The following PACRG variants were observed in gnomAD, a reference collection of about 807,000 sequenced individuals.
PACRG encodes the protein parkin coregulated gene protein.
A neutral mutation model predicts 29.7 loss-of-function variants in PACRG; 29 were observed. The ratio of observed to expected loss-of-function variants is 0.98; its 90% CI spans 0.73 to 1.33. The LOEUF (loss-of-function observed/expected upper bound fraction) is 1.33. Ranked by LOEUF, PACRG falls within the 40% of genes most tolerant of loss-of-function variation. The pLI, the probability that PACRG is intolerant of heterozygous loss-of-function variation, is 0.00. For missense variants in PACRG, 279 were observed against 316.2 expected (o/e 0.88, Z 0.89); for synonymous variants, 116 against 118.7 (o/e 0.98, Z 0.15).
chr6:162,801,894 G>A lies in PACRG; in HGVS notation c.157-12253G>A, dbSNP rs74557223. On this transcript the variant is annotated intron_variant, in intron 1 of 4. Transcript: ENST00000366888. ...AAAGTTGTAAATGGACAAATACAGGGAATAGCAAACATAATTTTCTAATAA... is the reference window on the plus strand; with the variant it reads ...AAAGTTGTAAATGGACAAATACAGGAAATAGCAAACATAATTTTCTAATAA... Among the ~76,000 whole-genome samples the A allele has an allele frequency of 5.6e-3, 853 of 152,072 alleles. 8 individuals carry two copies. Among genetic ancestry groups the A allele is most frequent in the African/African-American group, 0.02 (818 of 41,508 alleles).
At chr6:163,125,997 T>G (rs1381086324) in intron 4 of PACRG, among the ~76,000 whole-genome samples, 1 of 152,206 alleles carries the variant, frequency 6.6e-6, no homozygotes. Flanking sequence ...ACTTACACAT[T>G]GCAGATCAAA....
intron 2 of PACRG, among the ~76,000 whole-genome samples, chr6:162,989,301 A>G (rs1428305127): frequency 2.6e-5 from 4 of 152,162 alleles, no homozygotes; most frequent in Non-Finnish European, 5.9e-5. Flanking sequence ...TTGATATTGA[A>G]TGTGTTTATT....
At chr6:162,749,201 T>G (rs1300941609) in intron 1 of PACRG, among the ~76,000 whole-genome samples, 1 of 152,228 alleles carries the variant, frequency 6.6e-6, no homozygotes, top group Non-Finnish European at 1.5e-5. Context: ...AGTGCATGAT[T>G]GTTAAAAACA....
In PACRG at chr6:163,314,810, G is replaced by A. The variant is rs769958869; in HGVS notation, c.614-17G>A. The A allele has an allele frequency of 1.2e-6, 2 of 1,611,940 alleles. No individual in the cohort carries two copies. The highest frequency in any genetic ancestry group is 1.1e-5 in the South Asian group (1 of 90,746). ...GCAGAGAAGTAACTGGCCTCTTTGTGTGTTTGCATGCACCAGTGAACTCCG... is the reference window on the plus strand; with the variant it reads ...GCAGAGAAGTAACTGGCCTCTTTGTATGTTTGCATGCACCAGTGAACTCCG... On this transcript the variant is annotated splice_polypyrimidine_tract_variant and intron_variant, in intron 4 of 4. Transcript: ENST00000366888.
chr6:162,808,740 C>T (rs1293828733), intron 1 of PACRG, among the ~76,000 whole-genome samples: 1 of 152,148 alleles, frequency 6.6e-6, no homozygotes, highest in Admixed American at 6.5e-5. Context: ...ACAGATTGCC[C>T]CTACCATTCA....
In PACRG at chr6:163,315,102, A is replaced by T; in HGVS notation, c.*115A>T. 7.9e-7 allele frequency: 1 copy of T among 1,260,686 alleles called. No individual in the cohort carries two copies. The highest frequency in any genetic ancestry group is 2.4e-5 in the East Asian group (1 of 42,214). 78.1% of individuals were successfully genotyped at this position (1,260,686 alleles called of 1,614,324 possible). ...ACAGCTTTCTTTTCTACAGCTGCTA[A>T]AATAGTGGCTTATGGGCCATTGGAC... On this transcript the variant is annotated 3_prime_UTR_variant, in exon 5 of 5. Coordinates refer to ENST00000366888, the MANE Select transcript of PACRG (RefSeq NM_001080379.2).
chr6:163,041,237 TG>T (rs1808678065), intron 2 of PACRG, among the ~76,000 whole-genome samples: 1 of 151,590 alleles, frequency 6.6e-6, no homozygotes, highest in Admixed American at 6.6e-5. Flanking sequence ...CTTGGGAGGG[TG>T]AGGCAGGAGA....
chr6:163,194,246 A>G (rs1780348055), intron 4 of PACRG, among the ~76,000 whole-genome samples: 1 of 152,110 alleles, frequency 6.6e-6, no homozygotes, highest in Non-Finnish European at 1.5e-5. Flanking sequence ...TCCTTTCTAC[A>G]GAGGAGAGAT....
intron 4 of PACRG, among the ~76,000 whole-genome samples, chr6:163,159,401 A>C (rs1260764776): frequency 1.3e-5 from 2 of 151,370 alleles, no homozygotes; most frequent in African/African-American, 4.8e-5. Context: ...ATTTTTAGCT[A>C]AAATGAAGTA....
intron 4 of PACRG, among the ~76,000 whole-genome samples, chr6:163,255,242 G>A (rs1783060934): frequency 6.6e-6 from 1 of 152,190 alleles, no homozygotes; most frequent in Admixed American, 6.5e-5. Context: ...CGAATAAAGA[G>A]GAAGAAGAAA....
At chr6:162,766,730 G>T (rs1782822645) in intron 1 of PACRG, among the ~76,000 whole-genome samples, 1 of 152,020 alleles carries the variant, frequency 6.6e-6, no homozygotes, top group African/African-American at 2.4e-5. Context: ...TTTTTAATCT[G>T]AATTTTCAAA....
At chr6:163,221,170 G>A (rs1354736822) in intron 4 of PACRG, among the ~76,000 whole-genome samples, 2 of 152,172 alleles carry the variant, frequency 1.3e-5, no homozygotes, top group Non-Finnish European at 2.9e-5. Flanking sequence ...GGAAGTAAAT[G>A]GCACATGATA....
intron 4 of PACRG, among the ~76,000 whole-genome samples, chr6:163,109,429 A>G (rs913890824): frequency 6.6e-6 from 1 of 152,174 alleles, no homozygotes; most frequent in Non-Finnish European, 1.5e-5. Context: ...TCTCATCTCG[A>G]TTTGAAAAAC....
At chr6:163,029,213 C>T (rs1419576200) in intron 2 of PACRG, among the ~76,000 whole-genome samples, 1 of 152,212 alleles carries the variant, frequency 6.6e-6, no homozygotes, top group East Asian at 1.9e-4. Context: ...CCTAAACCTC[C>T]AGAACCAGAA....
chr6:163,074,909 G>A lies in PACRG; in HGVS notation c.463+12588G>A, dbSNP rs566843659. ...AGTGGGAGGCTGAGGTGGGAGGATC[G>A]CATGAGCCCAGGAGCTCAGTGTTAC... On this transcript the variant is annotated intron_variant, in intron 3 of 4. Coordinates refer to ENST00000366888, the MANE Select transcript of PACRG (RefSeq NM_001080379.2). 6.6e-5 allele frequency among the ~76,000 whole-genome samples: 10 copies of A among 152,194 alleles called. No individual in the cohort carries two copies. In the South Asian group the frequency reaches 1.5e-3, roughly 22 times the overall value.
intron 4 of PACRG, among the ~76,000 whole-genome samples, chr6:163,134,125 A>G (rs483222): frequency 0.14 from 21,232 of 152,158 alleles, 1,722 homozygotes; most frequent in South Asian, 0.3. Flanking sequence ...GGAAAGAACT[A>G]TGGGGTCCCC....
intron 2 of PACRG, among the ~76,000 whole-genome samples, chr6:163,003,198 C>A (rs1276167989): frequency 6.6e-6 from 1 of 152,012 alleles, no homozygotes; most frequent in African/African-American, 2.4e-5. Flanking sequence ...CTTCTATGGC[C>A]CCAGATTGCC....
intron 1 of PACRG, among the ~76,000 whole-genome samples, chr6:162,731,565 C>T (rs1779771596): frequency 6.6e-6 from 1 of 151,928 alleles, no homozygotes; most frequent in Admixed American, 6.6e-5. Flanking sequence ...ACTTGAGCAT[C>T]TGAAGATTTT....
At chr6:162,989,741 C>CT (rs1170736934) in intron 2 of PACRG, among the ~76,000 whole-genome samples, 63 of 132,152 alleles carry the variant, frequency 4.8e-4, no homozygotes, top group African/African-American at 1.2e-3. Context: ...TTTTTCTTTT[C>CT]TTTTTTTTTA....
Sources: allele counts gnomAD v4.1 joint callset (sites outside exome capture counted in the v4.1 genomes callset), GRCh38; gene constraint gnomAD v4.1.1; transcripts MANE v1.5; gene names NCBI Gene and HGNC (gene_info 2026-07-23, HGNC 2026-07-21).